The following PLCB1 variants were observed in gnomAD, a reference collection of about 807,000 sequenced individuals.
PLCB1 encodes the protein 1-phosphatidylinositol 4,5-bisphosphate phosphodiesterase beta-1.
PLCB1 carries 46 observed loss-of-function variants against 161.8 expected under a neutral mutation model. That is an observed-to-expected ratio of 0.28 (90% CI 0.22 to 0.36). PLCB1 has a LOEUF of 0.36. Among genes scored for constraint, PLCB1 ranks in the 10% least tolerant of loss-of-function variants. The pLI is 1.00. For synonymous variants in PLCB1, 517 were observed against 503.7 expected (o/e 1.03, Z -0.35); for missense variants, 1,016 against 1,472.5 (o/e 0.69, Z 5.07).
intron 13 of PLCB1, among the ~76,000 whole-genome samples, chr20:8,716,997 C>G (rs1025584010): frequency 2.0e-5 from 3 of 152,248 alleles, no homozygotes; most frequent in Non-Finnish European, 4.4e-5. Context: ...AGTAACCTAT[C>G]TTGTGGCTTG....
intron 2 of PLCB1, among the ~76,000 whole-genome samples, chr20:8,257,476 A>G (rs1981486699): frequency 1.3e-5 from 2 of 152,170 alleles, no homozygotes; most frequent in African/African-American, 2.4e-5. Flanking sequence ...GAGAGATAAT[A>G]TTACAAAATA....
intron 31 of PLCB1, among the ~76,000 whole-genome samples, chr20:8,818,077 G>A (rs530358923): frequency 6.6e-6 from 1 of 152,318 alleles, no homozygotes; most frequent in South Asian, 2.1e-4. Flanking sequence ...GATAGAATGA[G>A]AAGAGGTGAG....
intron 3 of PLCB1, among the ~76,000 whole-genome samples, chr20:8,403,268 G>T (rs1323758817): frequency 6.6e-6 from 1 of 152,004 alleles, no homozygotes; most frequent in East Asian, 1.9e-4. Flanking sequence ...TAATCCTAAG[G>T]CTTTGAGGGG....
intron 10 of PLCB1, among the ~76,000 whole-genome samples, chr20:8,696,496 A>C (rs952680627): frequency 6.6e-6 from 1 of 152,100 alleles, no homozygotes; most frequent in Non-Finnish European, 1.5e-5. Context: ...TAACATTTCT[A>C]TATGAACTTT....
At chr20:8,267,914 G>T (rs2123256522) in intron 2 of PLCB1, among the ~76,000 whole-genome samples, 1 of 151,974 alleles carries the variant, frequency 6.6e-6, no homozygotes, top group South Asian at 2.1e-4. Flanking sequence ...CAACCAGTCT[G>T]ATTGGTTGTG....
chr20:8,491,277 T>A (rs939026721), intron 3 of PLCB1, among the ~76,000 whole-genome samples: 2 of 152,150 alleles, frequency 1.3e-5, no homozygotes, highest in African/African-American at 4.8e-5. Flanking sequence ...TTTCTTTCAG[T>A]ATTGCTTTTT....
Position 8,491,786 on chromosome 20 carries a change from G to A in PLCB1, c.246+120336G>A, listed in dbSNP as rs1043483266. 1.1e-4 allele frequency among the ~76,000 whole-genome samples: 17 copies of A among 152,082 alleles called. 1 individual carries two copies. The highest frequency in any genetic ancestry group is 2.9e-5 in the Non-Finnish European group (2 of 68,002). ...CCTGGGTTCTCCTTTCCTGTACCAA[G>A]GATTGCCAATTCTCACAAGACAATA... On this transcript the variant is annotated intron_variant, in intron 3 of 31. Transcript: ENST00000338037.
intron 2 of PLCB1, among the ~76,000 whole-genome samples, chr20:8,300,148 ATG>A (rs1329386718): frequency 6.6e-6 from 1 of 152,094 alleles, no homozygotes; most frequent in Non-Finnish European, 1.5e-5. Context: ...GTTCTGCTCC[ATG>A]TGTCTCATCC....
chr20:8,658,750 G>C (rs921453460), intron 9 of PLCB1, 46 bp downstream of exon 9: 6 of 1,508,786 alleles, frequency 4.0e-6, no homozygotes, highest in Non-Finnish European at 4.5e-6. Flanking sequence ...GTTTCTGATT[G>C]GGGGTAGTCA....
intron 3 of PLCB1, among the ~76,000 whole-genome samples, chr20:8,549,427 C>G (rs1428310444): frequency 1.3e-5 from 2 of 152,180 alleles, no homozygotes; most frequent in Non-Finnish European, 1.5e-5. Context: ...CAAGCCCTAG[C>G]TCATGCACTT....
At position 8,883,253 on chromosome 20, in the gene PLCB1, C is replaced by G. The variant is rs1259205721; in HGVS notation, c.*1404C>G. 2 of 151,888 alleles carry G rather than the reference C, an allele frequency of 1.3e-5. No homozygotes were observed. The highest frequency in any genetic ancestry group is 2.4e-5 in the African/African-American group (1 of 41,338). The allele number at this position is 151,888 out of a possible 1,614,324, so 9.4% of individuals were successfully genotyped here. Reference sequence around the variant, plus strand: ...AAGTCTGACACATTTCTATTTTATTCTAACATAAAAAAACTTCCATTATAT... The same window carrying G: ...AAGTCTGACACATTTCTATTTTATTGTAACATAAAAAAACTTCCATTATAT... On this transcript the variant is annotated 3_prime_UTR_variant, in exon 32 of 32. Coordinates refer to ENST00000338037, the MANE Select transcript of PLCB1 (RefSeq NM_015192.4).
At chr20:8,407,124 C>T (rs1324467187) in intron 3 of PLCB1, among the ~76,000 whole-genome samples, 2 of 152,108 alleles carry the variant, frequency 1.3e-5, no homozygotes, top group Non-Finnish European at 2.9e-5. Context: ...TAAAATGAGA[C>T]ATGCATAGCT....
intron 3 of PLCB1, among the ~76,000 whole-genome samples, chr20:8,618,995 T>C (rs1386307166): frequency 6.6e-6 from 1 of 152,180 alleles, no homozygotes; most frequent in Non-Finnish European, 1.5e-5. Flanking sequence ...TTAGAATATT[T>C]TTATAACTTT....
chr20:8,867,448 G>T (rs6086674), intron 31 of PLCB1, among the ~76,000 whole-genome samples: 45,402 of 151,942 alleles, frequency 0.3, 7,662 homozygotes, highest in East Asian at 0.65. Flanking sequence ...AGTTCTTTCT[G>T]GTTGGTGGCA....
chr20:8,701,746 A>C (rs1366776119), intron 11 of PLCB1, among the ~76,000 whole-genome samples: 2 of 152,054 alleles, frequency 1.3e-5, no homozygotes, highest in African/African-American at 4.8e-5. Flanking sequence ...TTTTGAATGA[A>C]TTTTCCCTTC....
intron 2 of PLCB1, among the ~76,000 whole-genome samples, chr20:8,228,358 T>C (rs902543062): frequency 4.6e-5 from 7 of 151,980 alleles, no homozygotes; most frequent in Admixed American, 4.6e-4. Context: ...TCTTTTTAAT[T>C]CCCCTCAAAG....
chr20:8,490,708 T>C (rs1436014734), intron 3 of PLCB1, among the ~76,000 whole-genome samples: 1 of 152,164 alleles, frequency 6.6e-6, no homozygotes, highest in Non-Finnish European at 1.5e-5. Context: ...TAATTTGTAT[T>C]TCCCTAATGA....
chr20:8,332,048 C>T (rs187887898), intron 2 of PLCB1, among the ~76,000 whole-genome samples: 150 of 152,254 alleles, frequency 9.9e-4, no homozygotes, highest in Admixed American at 2.9e-3. Context: ...GATTGGGTGC[C>T]GGGTGTCTGT....
chr20:8,351,308 T>G (rs6086417), intron 2 of PLCB1, among the ~76,000 whole-genome samples: 1 of 151,906 alleles, frequency 6.6e-6, no homozygotes, highest in East Asian at 1.9e-4. Flanking sequence ...AAATATGAAC[T>G]TAGAGTTCAT....
Sources: gnomAD v4.1 joint callset for allele counts (sites outside exome capture counted in the v4.1 genomes callset) on GRCh38, gnomAD v4.1.1 for gene constraint, MANE v1.5 for transcripts, NCBI Gene and HGNC (gene_info 2026-07-23, HGNC 2026-07-21) for gene names.